Variants in NOL4 observed in about 807,000 individuals in gnomAD.
NOL4 encodes the protein cancer/testis antigen 125.
Under a neutral mutation model 75.9 loss-of-function variants are expected in NOL4, and 17 were observed. That is an observed-to-expected ratio of 0.22 (90% CI 0.15 to 0.34). NOL4 has a LOEUF of 0.34. Ranked by LOEUF, NOL4 falls within the 10% of genes least tolerant of loss-of-function variation. The pLI is 1.00. For synonymous variants in NOL4, 292 were observed against 289.9 expected, an observed-to-expected ratio of 1.01 and a Z score of -0.07; for missense variants, 614 against 793.5, an observed-to-expected ratio of 0.77 and a Z score of 2.72.
At chr18:34,116,122 T>G in intron 2 of NOL4, among the ~76,000 whole-genome samples, 1 of 152,170 alleles carries the variant, frequency 6.6e-6, no homozygotes, top group East Asian at 1.9e-4. Flanking sequence ...AATACTTCCA[T>G]ATAAAAGTAA....
At chr18:33,995,637 T>A (rs1465536343) in intron 6 of NOL4, among the ~76,000 whole-genome samples, 1 of 151,844 alleles carries the variant, frequency 6.6e-6, no homozygotes, top group Non-Finnish European at 1.5e-5. Flanking sequence ...TTCTATTGGG[T>A]CACATCAAAG....
At chr18:34,156,080 T>C (rs1476215448) in intron 1 of NOL4, among the ~76,000 whole-genome samples, 1 of 152,186 alleles carries the variant, frequency 6.6e-6, no homozygotes, top group Non-Finnish European at 1.5e-5. Flanking sequence ...CCAGACATGA[T>C]GCCTTTCCTC....
At chr18:33,981,023 T>TA (rs1487568264) in intron 6 of NOL4, among the ~76,000 whole-genome samples, 1 of 151,534 alleles carries the variant, frequency 6.6e-6, no homozygotes, top group Non-Finnish European at 1.5e-5. Context: ...TTGAGAAAAT[T>TA]AAAAAAATGC....
At chr18:34,157,216 T>C (rs926024921) in intron 1 of NOL4, 10 of 152,186 alleles carry the variant, frequency 6.6e-5, no homozygotes, top group Non-Finnish European at 8.8e-5. Context: ...TATTACTTGG[T>C]CATAAATACA....
chr18:33,907,559 C>A (rs1446738193), intron 9 of NOL4, among the ~76,000 whole-genome samples: 2 of 151,868 alleles, frequency 1.3e-5, no homozygotes, highest in African/African-American at 4.8e-5. Flanking sequence ...GAACAAATAC[C>A]TTTGTTGTTA....
At chr18:33,885,719 GT>G (rs1435280750) in intron 9 of NOL4, among the ~76,000 whole-genome samples, 2 of 152,160 alleles carry the variant, frequency 1.3e-5, no homozygotes, top group Non-Finnish European at 2.9e-5. Context: ...TACACTGTTG[GT>G]GGGAATGTAA....
chr18:33,862,036 T>G (rs2063165235), intron 10 of NOL4, among the ~76,000 whole-genome samples: 1 of 152,106 alleles, frequency 6.6e-6, no homozygotes, highest in African/African-American at 2.4e-5. Flanking sequence ...AAGGCTACAG[T>G]AACCAAAACA....
At chr18:33,902,459 C>T (rs916953933) in intron 9 of NOL4, among the ~76,000 whole-genome samples, 1 of 152,096 alleles carries the variant, frequency 6.6e-6, no homozygotes, top group Non-Finnish European at 1.5e-5. Context: ...TTGTTGTAGA[C>T]TGATGCGGAA....
chr18:34,206,002 C>G (rs1274289960), intron 1 of NOL4, among the ~76,000 whole-genome samples: 2 of 152,132 alleles, frequency 1.3e-5, no homozygotes, highest in Non-Finnish European at 2.9e-5. Flanking sequence ...CAAAGCCTTG[C>G]TTAAGGTGCA....
At chr18:34,093,425 T>G (rs973337536) in intron 5 of NOL4, 40 bp downstream of exon 5, 15 of 1,519,112 alleles carry the variant, frequency 9.9e-6, no homozygotes, top group Non-Finnish European at 1.2e-5. Flanking sequence ...CTCATTTTTT[T>G]GCTGTTGTTT....
At chr18:34,066,311 C>T (rs1409953299) in intron 5 of NOL4, among the ~76,000 whole-genome samples, 1 of 151,956 alleles carries the variant, frequency 6.6e-6, no homozygotes, top group Non-Finnish European at 1.5e-5. Context: ...TCAAGAGATG[C>T]TATCATTTTA....
intron 10 of NOL4, among the ~76,000 whole-genome samples, chr18:33,866,520 C>T (rs1159714752): frequency 6.6e-6 from 1 of 152,122 alleles, no homozygotes; most frequent in Non-Finnish European, 1.5e-5. Context: ...AATCTTTCCT[C>T]TACTTGCATT....
At chr18:33,894,924 T>C (rs2065308599) in intron 9 of NOL4, among the ~76,000 whole-genome samples, 1 of 152,088 alleles carries the variant, frequency 6.6e-6, no homozygotes, top group Admixed American at 6.6e-5. Context: ...GCAGGATGAC[T>C]GTAGTCAATA....
intron 9 of NOL4, among the ~76,000 whole-genome samples, chr18:33,925,818 AAAGG>A (rs2145337431): frequency 6.6e-6 from 1 of 152,306 alleles, no homozygotes; most frequent in South Asian, 2.1e-4. Context: ...AGGAAACAAG[AAAGG>A]AAGGAAAATC....
chr18:34,102,798 T>C (rs1411855740), intron 4 of NOL4, among the ~76,000 whole-genome samples: 5 of 151,612 alleles, frequency 3.3e-5, no homozygotes, highest in South Asian at 2.1e-4. Context: ...ATCATGAAGA[T>C]AGTTTTTTTT....
chr18:34,043,563 G>A (rs2076232404), intron 5 of NOL4, among the ~76,000 whole-genome samples: 1 of 152,096 alleles, frequency 6.6e-6, no homozygotes, highest in Non-Finnish European at 1.5e-5. Flanking sequence ...GTGAGGTGCA[G>A]AATGAGCTGG....
intron 1 of NOL4, among the ~76,000 whole-genome samples, chr18:34,161,918 T>C (rs985617402): frequency 6.6e-6 from 1 of 152,162 alleles, no homozygotes; most frequent in African/African-American, 2.4e-5. Context: ...CCTTTAAATG[T>C]GATTCAGTAA....
At chr18:33,907,836 T>A (rs1398208309) in intron 9 of NOL4, among the ~76,000 whole-genome samples, 1 of 152,204 alleles carries the variant, frequency 6.6e-6, no homozygotes, top group Non-Finnish European at 1.5e-5. Flanking sequence ...TACATATTTA[T>A]TTTGTCTATA....
chr18:33,910,373 G>A (rs2066326037), intron 9 of NOL4, among the ~76,000 whole-genome samples: 1 of 152,056 alleles, frequency 6.6e-6, no homozygotes, highest in African/African-American at 2.4e-5. Context: ...AGATAACAGT[G>A]CGTGGCCTAT....
Sources: allele counts gnomAD v4.1 joint callset (sites outside exome capture counted in the v4.1 genomes callset), GRCh38; gene constraint gnomAD v4.1.1; transcripts MANE v1.5; gene names NCBI Gene and HGNC (gene_info 2026-07-23, HGNC 2026-07-21).